The following TMEM135 variants were observed in gnomAD, a reference collection of about 807,000 sequenced individuals.
TMEM135 encodes the protein peroxisomal membrane protein 52.
TMEM135 carries 30 observed loss-of-function variants against 60.3 expected under a neutral mutation model. The ratio of observed to expected loss-of-function variants is 0.50; its 90% CI spans 0.37 to 0.68. The LOEUF (loss-of-function observed/expected upper bound fraction) is 0.68. Among genes scored for constraint, TMEM135 ranks in the 30% least tolerant of loss-of-function variants. The pLI is 0.00. For missense variants in TMEM135, 468 were observed against 548.8 expected (o/e 0.85, Z 1.47); for synonymous variants, 190 against 186.7 (o/e 1.02, Z -0.14).
intron 5 of TMEM135, among the ~76,000 whole-genome samples, chr11:87,177,568 A>G (rs1034280806): frequency 1.3e-5 from 2 of 152,202 alleles, no homozygotes; most frequent in African/African-American, 2.4e-5. Flanking sequence ...TTATATAGCC[A>G]TAATCAAATC....
chr11:87,134,988 A>G (rs1261410374), intron 4 of TMEM135, among the ~76,000 whole-genome samples: 1 of 152,208 alleles, frequency 6.6e-6, no homozygotes, highest in African/African-American at 2.4e-5. Flanking sequence ...ACTAATGATG[A>G]TAAATAAAAA....
At chr11:87,102,463 A>G (rs548008402) in intron 4 of TMEM135, among the ~76,000 whole-genome samples, 4 of 152,254 alleles carry the variant, frequency 2.6e-5, no homozygotes, top group African/African-American at 9.6e-5. Flanking sequence ...TGGAACTATC[A>G]TATTCCTGCA....
intron 5 of TMEM135, among the ~76,000 whole-genome samples, chr11:87,173,745 T>G (rs1343018164): frequency 6.6e-6 from 1 of 152,158 alleles, no homozygotes; most frequent in East Asian, 1.9e-4. Flanking sequence ...TGTGAACTGG[T>G]AGTTGATAAT....
chr11:87,192,296 T>G (rs954227583), intron 5 of TMEM135, among the ~76,000 whole-genome samples: 2 of 151,956 alleles, frequency 1.3e-5, no homozygotes, highest in African/African-American at 2.4e-5. Context: ...CTTTTATAAT[T>G]GATTTATGTA....
In TMEM135 at chr11:87,086,641, G is replaced by A. The variant is rs551243935; in HGVS notation, c.363-4721G>A. Among the ~76,000 whole-genome samples the A allele has an allele frequency of 4.4e-4, 67 of 151,892 alleles. No individual in the cohort carries two copies. In the South Asian group the frequency reaches 9.0e-3, roughly 20 times the overall value. On this transcript the variant is annotated intron_variant, in intron 3 of 14. Coordinates refer to ENST00000305494, the MANE Select transcript of TMEM135 (RefSeq NM_022918.4). ...TGCTTGCTGATTGGTTTGTGAGTAT[G>A]CAAAAAAGTTTAAAACAAAGACTAC...
chr11:87,114,152 G>A (rs2512335), intron 4 of TMEM135, among the ~76,000 whole-genome samples: 102,307 of 151,784 alleles, frequency 0.67, 35,712 homozygotes, highest in East Asian at 0.88. Flanking sequence ...CTCTCTTGAA[G>A]GAAAATTGAG....
intron 4 of TMEM135, among the ~76,000 whole-genome samples, chr11:87,124,602 G>A (rs1206952714): frequency 6.6e-6 from 1 of 152,078 alleles, no homozygotes; most frequent in South Asian, 2.1e-4. Context: ...ATAAAGGGTC[G>A]TGTGGAATAA....
At chr11:87,247,318 A>G (rs1941304098) in intron 6 of TMEM135, among the ~76,000 whole-genome samples, 1 of 152,172 alleles carries the variant, frequency 6.6e-6, no homozygotes, top group Non-Finnish European at 1.5e-5. Flanking sequence ...GGACCCACTT[A>G]AGGAGGCAGT....
intron 1 of TMEM135, among the ~76,000 whole-genome samples, chr11:87,065,624 T>A (rs1271278087): frequency 2.0e-5 from 3 of 152,232 alleles, no homozygotes; most frequent in Non-Finnish European, 2.9e-5. Flanking sequence ...CTTGCCTTTT[T>A]AAATTTCCCA....
At chr11:87,167,595 T>G (rs1170787460) in intron 5 of TMEM135, among the ~76,000 whole-genome samples, 7 of 152,220 alleles carry the variant, frequency 4.6e-5, no homozygotes, top group Non-Finnish European at 1.0e-4. Flanking sequence ...GTTCTGTTTA[T>G]GTGATGGAGT....
chr11:87,221,990 G>T (rs1282681489), intron 5 of TMEM135, among the ~76,000 whole-genome samples: 1 of 151,912 alleles, frequency 6.6e-6, no homozygotes, highest in Non-Finnish European at 1.5e-5. Context: ...GAGGTCAGGA[G>T]ATCGAGACCA....
In TMEM135 at chr11:87,326,077, T is replaced by C. The variant is rs761625026; in HGVS notation, c.*4744T>C. The C allele has an allele frequency of 2.2e-6, 1 of 453,812 alleles. No individual in the cohort carries two copies. The highest frequency in any genetic ancestry group is 1.6e-5 in the South Asian group (1 of 64,458). The allele number at this position is 453,812 out of a possible 1,614,324, so 28.1% of individuals were successfully genotyped here. On this transcript the variant is annotated 3_prime_UTR_variant, in exon 15 of 15. Coordinates refer to ENST00000305494, the MANE Select transcript of TMEM135 (RefSeq NM_022918.4). ...CTTTAGCTCACAAACTACTATAGCT[T>C]GCCTGTTCAGTTTTTTTTTTTTTTA...
Position 87,297,240 on chromosome 11 carries a change from C to T in TMEM135, c.551+1417C>T, listed in dbSNP as rs148206976. Among the ~76,000 whole-genome samples, 10 of 152,210 alleles carry T rather than the reference C, an allele frequency of 6.6e-5. No individual in the cohort carries two copies. In the East Asian group the frequency reaches 1.9e-3, roughly 29 times the overall value. On this transcript the variant is annotated intron_variant, in intron 7 of 14. Coordinates refer to ENST00000305494, the MANE Select transcript of TMEM135 (RefSeq NM_022918.4). The stretch of plus-strand genomic sequence containing the variant: ...CTTCCCCTCCACCCTGCAATCCCAG[C>T]CACGTATTGAAAACCAAAGTGCCTG...
intron 1 of TMEM135, among the ~76,000 whole-genome samples, chr11:87,055,035 T>A (rs1286802119): frequency 1.3e-5 from 2 of 152,058 alleles, no homozygotes; most frequent in Non-Finnish European, 2.9e-5. Flanking sequence ...AGGTTAACAA[T>A]GAAGGGGGAA....
chr11:87,100,963 C>G (rs890589152), intron 4 of TMEM135, among the ~76,000 whole-genome samples: 1 of 152,154 alleles, frequency 6.6e-6, no homozygotes, highest in Non-Finnish European at 1.5e-5. Flanking sequence ...TTAACTAGCA[C>G]TTAAAAACAT....
At chr11:87,100,361 A>G (rs1226387261) in intron 4 of TMEM135, among the ~76,000 whole-genome samples, 3 of 152,186 alleles carry the variant, frequency 2.0e-5, no homozygotes, top group Admixed American at 1.3e-4. Flanking sequence ...TATAACTTTT[A>G]CTACATGAAG....
chr11:87,240,897 A>G (rs1264224719), intron 6 of TMEM135, among the ~76,000 whole-genome samples: 2 of 86,542 alleles, frequency 2.3e-5, no homozygotes, highest in Non-Finnish European at 5.4e-5. Context: ...TTGAATTGTC[A>G]TAGCAGTTAA....
chr11:87,307,179 T>C (rs144636378), intron 9 of TMEM135, among the ~76,000 whole-genome samples: 1 of 152,290 alleles, frequency 6.6e-6, no homozygotes, highest in Non-Finnish European at 1.5e-5. Context: ...AAGGAGGAAC[T>C]GTCCCACATT....
intron 1 of TMEM135, among the ~76,000 whole-genome samples, chr11:87,059,884 A>T (rs987999872): frequency 6.6e-6 from 1 of 152,194 alleles, no homozygotes; most frequent in African/African-American, 2.4e-5. Context: ...GTGAGGCCAA[A>T]GCAGACAGAT....
Sources: allele counts gnomAD v4.1 joint callset (sites outside exome capture counted in the v4.1 genomes callset), GRCh38; gene constraint gnomAD v4.1.1; transcripts MANE v1.5; gene names NCBI Gene and HGNC (gene_info 2026-07-23, HGNC 2026-07-21).